The following COG2 variants were observed in gnomAD, a reference collection of about 807,000 sequenced individuals.
COG2 encodes the protein conserved oligomeric Golgi complex subunit 2.
In COG2, 52 loss-of-function variants were observed where a neutral mutation model predicts 90.6. That is an observed-to-expected ratio of 0.57 (90% CI 0.46 to 0.72). The LOEUF is 0.72. Among genes scored for constraint, COG2 ranks in the 30% least tolerant of loss-of-function variants. COG2 has a pLI of 0.00. For missense variants in COG2, 829 were observed against 891.2 expected, an observed-to-expected ratio of 0.93 and a Z score of 0.89; for synonymous variants, 337 against 320.4, an observed-to-expected ratio of 1.05 and a Z score of -0.55.
At chr1:230,660,021 A>C (rs779568366) in intron 2 of COG2, among the ~76,000 whole-genome samples, 16 of 152,240 alleles carry the variant, frequency 1.1e-4, no homozygotes, top group Non-Finnish European at 1.9e-4. Flanking sequence ...AGATTGAGAG[A>C]ACATTGGCCA....
rs770828185 is a variant in COG2, at chr1:230,670,902, T to C, written c.775-614T>C. The stretch of plus-strand genomic sequence containing the variant: ...TGCTGGGATTACAGGCGTGATCCAC[T>C]GCGCCCAACCGATGAAAATATTTTA... On this transcript the variant is annotated intron_variant, in intron 7 of 17. Coordinates refer to ENST00000366669, the MANE Select transcript of COG2 (RefSeq NM_007357.3). 2.6e-5 allele frequency: 4 copies of C among 151,716 alleles called. No homozygotes were observed. In the East Asian group the frequency reaches 5.8e-4, roughly 22 times the overall value. The allele number at this position is 151,716 out of a possible 1,614,324, so 9.4% of individuals were successfully genotyped here. A position where few individuals can be genotyped will look rare whatever the true frequency, so the allele number is the denominator to read the frequency against.
chr1:230,642,495 G>T lies in COG2; in HGVS notation c.-112G>T. The T allele has an allele frequency of 3.1e-6, 3 of 975,700 alleles. No individual in the cohort carries two copies. The highest frequency in any genetic ancestry group is 4.4e-6 in the Non-Finnish European group (3 of 674,830). 60.4% of individuals were successfully genotyped at this position (975,700 alleles called of 1,614,324 possible). ...CGGGCGCTGCCATGTTGGCGGAAGC[G>T]GACCCCCCTGTGCCGTGGAAACTGG... On this transcript the variant is annotated 5_prime_UTR_variant, in exon 1 of 18. Coordinates refer to ENST00000366669, the MANE Select transcript of COG2 (RefSeq NM_007357.3).
intron 15 of COG2, among the ~76,000 whole-genome samples, chr1:230,689,789 G>T (rs933335985): frequency 6.6e-6 from 1 of 152,226 alleles, no homozygotes. Flanking sequence ...CCTCAACCCA[G>T]TCTGGCTCCA....
chr1:230,692,081 G>A (rs988456045), intron 17 of COG2, among the ~76,000 whole-genome samples: 1 of 152,002 alleles, frequency 6.6e-6, no homozygotes, highest in African/African-American at 2.4e-5. Flanking sequence ...CTTAAGAGGT[G>A]ATATGGATAA....
chr1:230,642,854 G>C (rs957139621), intron 1 of COG2, 176 bp downstream of exon 1: 2 of 604,076 alleles, frequency 3.3e-6, no homozygotes, highest in Non-Finnish European at 5.8e-6. Context: ...GGCGGGTGCA[G>C]CCTGGAGAAA....
At chr1:230,656,832 CCTT>C in intron 1 of COG2, among the ~76,000 whole-genome samples, 1 of 151,994 alleles carries the variant, frequency 6.6e-6, no homozygotes, top group South Asian at 2.1e-4. Context: ...TATGTAATGC[CCTT>C]CTTTGTTTTG....
chr1:230,642,595 G>A lies in COG2; in HGVS notation c.-12G>A, dbSNP rs770869554. ...GCTTGGATCTTGGCACTGAGAGGCG[G>A]TGGCCGGCGGGATGGAGAAAAGTAG... On this transcript the variant is annotated 5_prime_UTR_variant, in exon 1 of 18. In the 5' UTR this introduces an upstream ATG that the reference lacks. Coordinates refer to ENST00000366669, the MANE Select transcript of COG2 (RefSeq NM_007357.3). 8.1e-6 allele frequency: 13 copies of A among 1,609,876 alleles called. No individual in the cohort carries two copies. The highest frequency in any genetic ancestry group is 1.6e-4 in the Middle Eastern group (1 of 6,076).
chr1:230,683,430 G>T (rs1162489643), intron 10 of COG2, 144 bp from the exon 11 acceptor site: 6 of 401,856 alleles, frequency 1.5e-5, no homozygotes, highest in Non-Finnish European at 2.6e-5. Context: ...AAAAAAAAAA[G>T]CCTGGGAGAA....
rs1040602427 is a variant in COG2 at position 230,678,202 on chromosome 1, T to A, written c.1027-711T>A. On this transcript the variant is annotated intron_variant, in intron 9 of 17. Coordinates refer to ENST00000366669, the MANE Select transcript of COG2 (RefSeq NM_007357.3). ...AAGCAACATGCAGCCGCAGTTTTGG[T>A]CAACTGACTGACTAGCATTCTGCTT... The A allele has an allele frequency of 3.0e-6, 3 of 985,382 alleles. No individual in the cohort carries two copies. The South Asian group carries it at 1.4e-4, about 46-fold the overall frequency. 61.0% of individuals were successfully genotyped at this position (985,382 alleles called of 1,614,324 possible).
intron 15 of COG2, among the ~76,000 whole-genome samples, chr1:230,689,315 C>T (rs536865742): frequency 6.6e-6 from 1 of 152,316 alleles, no homozygotes; most frequent in African/African-American, 2.4e-5. Context: ...GAAGCTGCCA[C>T]TTGGAAGTGG....
chr1:230,688,667 A>G (rs2102774498), intron 15 of COG2, 105 bp downstream of exon 15: 1 of 1,284,938 alleles, frequency 7.8e-7, no homozygotes, highest in Non-Finnish European at 1.1e-6. Context: ...GTAGCCTGAG[A>G]CAGACTGAGC....
intron 7 of COG2, chr1:230,669,776 G>T (rs1662403470): frequency 5.2e-6 from 2 of 383,838 alleles, no homozygotes; most frequent in African/African-American, 4.0e-5. Flanking sequence ...CAGGCTTCAA[G>T]GGCGAGATTC....
rs1379158276 is a variant in COG2, at chr1:230,678,308, T to G, written c.1027-605T>G. ...AGAAGCATCATTTGTAAAATGGGGA[T>G]GATGATGATGATGATGATGGTAGTT... On this transcript the variant is annotated intron_variant, in intron 9 of 17. Transcript: ENST00000366669. 8 of 923,174 alleles carry G rather than the reference T, an allele frequency of 8.7e-6. No homozygotes were observed. The African/African-American group carries it at 1.4e-4, about 16-fold the overall frequency. The allele number at this position is 923,174 out of a possible 1,614,324, so 57.2% of individuals were successfully genotyped here.
intron 10 of COG2, 104 bp downstream of exon 10, chr1:230,679,156 C>A: frequency 1.8e-6 from 2 of 1,128,860 alleles, no homozygotes; most frequent in Non-Finnish European, 2.5e-6. Context: ...CTCTGATCAT[C>A]ATAATAAGCT....
intron 10 of COG2, 146 bp from the exon 11 acceptor site, chr1:230,683,428 A>G: frequency 2.0e-6 from 1 of 509,930 alleles, no homozygotes; most frequent in Non-Finnish European, 3.5e-6. Context: ...AAAAAAAAAA[A>G]AGCCTGGGAG....
intron 1 of COG2, among the ~76,000 whole-genome samples, chr1:230,645,588 C>G (rs185055613): frequency 1.3e-5 from 2 of 152,030 alleles, no homozygotes; most frequent in African/African-American, 2.4e-5. Context: ...TTTCCATGGA[C>G]CAGGAGTGCA....
At chr1:230,680,511 C>G (rs143733689) in intron 10 of COG2, 1 of 152,276 alleles carries the variant, frequency 6.6e-6, no homozygotes, top group East Asian at 1.9e-4. Flanking sequence ...AGCTTGGCTT[C>G]AGCTGCATCT....
chr1:230,691,350 C>G, intron 16 of COG2, 34 bp from the exon 17 acceptor site: 1 of 1,550,376 alleles, frequency 6.5e-7, no homozygotes, highest in Non-Finnish European at 8.7e-7. Flanking sequence ...ACACAAATGC[C>G]TCTTTTCACC....
chr1:230,678,751 A>T, intron 9 of COG2, 162 bp from the exon 10 acceptor site: 2 of 1,524,692 alleles, frequency 1.3e-6, no homozygotes, highest in Non-Finnish European at 8.8e-7. Context: ...ATGTATCTTT[A>T]AATGGGGACA....
Sources: allele counts gnomAD v4.1 joint callset (sites outside exome capture counted in the v4.1 genomes callset), GRCh38; gene constraint gnomAD v4.1.1; transcripts MANE v1.5; gene names NCBI Gene and HGNC (gene_info 2026-07-23, HGNC 2026-07-21).